CSMD3: variants seen among roughly 807,000 people sequenced by gnomAD.
CSMD3 encodes CUB and Sushi multiple domains 3, also known as CUB and sushi domain-containing protein 3.
CSMD3 carries 177 observed loss-of-function variants against 435.2 expected under a neutral mutation model. The observed-to-expected ratio is 0.41, with a 90% CI of 0.36 to 0.46. The LOEUF is 0.46. Ranked by LOEUF, CSMD3 falls within the 20% of genes least tolerant of loss-of-function variation. CSMD3 has a pLI of 0.34. For missense variants in CSMD3, 4,265 were observed against 4,504.6 expected (o/e 0.95, Z 1.52); for synonymous variants, 1,656 against 1,520.5 (o/e 1.09, Z -2.07).
At chr8:112,774,405 G>A (rs1398927135) in intron 13 of CSMD3, among the ~76,000 whole-genome samples, 3 of 151,818 alleles carry the variant, frequency 2.0e-5, no homozygotes, top group African/African-American at 7.3e-5. Context: ...AGAATTTTCC[G>A]TACTTTATTC....
chr8:112,740,942 G>C (rs1162620565), intron 13 of CSMD3, among the ~76,000 whole-genome samples: 1 of 151,946 alleles, frequency 6.6e-6, no homozygotes, highest in Non-Finnish European at 1.5e-5. Context: ...AGTAGATTTA[G>C]AATAGTCAAA....
Position 113,250,710 on chromosome 8 carries a change from C to A in CSMD3, c.514+27882G>T, listed in dbSNP as rs185811130. Among the ~76,000 whole-genome samples the A allele has an allele frequency of 5.8e-3, 887 of 152,058 alleles. 1 individual carries two copies. Among genetic ancestry groups the A allele is most frequent in the Non-Finnish European group, 8.7e-3 (593 of 67,960 alleles). On this transcript the variant is annotated intron_variant, in intron 3 of 70. Coordinates refer to ENST00000297405, the MANE Select transcript of CSMD3 (RefSeq NM_198123.2). Reference sequence around the variant, plus strand: ...ATTCAAAAGCTTGTTAGTAGGTAGACATAATTGATTGGATTCAGTAGATGA... The same window carrying A: ...ATTCAAAAGCTTGTTAGTAGGTAGAAATAATTGATTGGATTCAGTAGATGA...
intron 9 of CSMD3, among the ~76,000 whole-genome samples, chr8:112,946,201 C>A (rs2083605809): frequency 6.6e-6 from 1 of 151,668 alleles, no homozygotes; most frequent in Non-Finnish European, 1.5e-5. Context: ...TTTGTAATAG[C>A]AGTTTGTATT....
At chr8:112,275,861 T>A in intron 59 of CSMD3, among the ~76,000 whole-genome samples, 1 of 152,134 alleles carries the variant, frequency 6.6e-6, no homozygotes, top group East Asian at 1.9e-4. Flanking sequence ...AGCCAAACCA[T>A]ATTATTCCAA....
chr8:112,505,680 G>C (rs1054512775), intron 29 of CSMD3, among the ~76,000 whole-genome samples: 1 of 151,280 alleles, frequency 6.6e-6, no homozygotes, highest in Admixed American at 6.6e-5. Flanking sequence ...TAGTTATTAC[G>C]TTTTTTTTCT....
intron 7 of CSMD3, among the ~76,000 whole-genome samples, chr8:112,972,397 A>G (rs2084690801): frequency 6.6e-6 from 1 of 151,786 alleles, no homozygotes; most frequent in African/African-American, 2.4e-5. Flanking sequence ...TTTTCATAGG[A>G]TATTTTTGAC....
At chr8:113,376,569 C>A in intron 1 of CSMD3, 1 of 675,140 alleles carries the variant, frequency 1.5e-6, no homozygotes. Context: ...CCAAAATAAA[C>A]TAATATATAA....
chr8:113,018,368 CAAAA>C (rs971575519), intron 6 of CSMD3, among the ~76,000 whole-genome samples: 1 of 151,230 alleles, frequency 6.6e-6, no homozygotes, highest in African/African-American at 2.4e-5. Flanking sequence ...TTAAAAAAAA[CAAAA>C]AACACAGATA....
chr8:113,397,937 C>T (rs1249378981), intron 1 of CSMD3, among the ~76,000 whole-genome samples: 1 of 151,948 alleles, frequency 6.6e-6, no homozygotes, highest in Non-Finnish European at 1.5e-5. Flanking sequence ...TATTATGTGG[C>T]CCTAAGCAAG....
intron 3 of CSMD3, among the ~76,000 whole-genome samples, chr8:113,274,855 GA>G (rs2093557249): frequency 1.3e-5 from 1 of 76,806 alleles, no homozygotes; most frequent in Non-Finnish European, 2.6e-5. Context: ...GAGAGAGAAA[GA>G]AAAAAAGGAA....
intron 16 of CSMD3, among the ~76,000 whole-genome samples, chr8:112,671,839 C>T (rs2075663493): frequency 6.6e-6 from 1 of 152,018 alleles, no homozygotes; most frequent in African/African-American, 2.4e-5. Flanking sequence ...GATGAAAAGT[C>T]AGGGGGTAGA....
At chr8:113,053,154 A>T (rs2088171242) in intron 5 of CSMD3, among the ~76,000 whole-genome samples, 1 of 152,148 alleles carries the variant, frequency 6.6e-6, no homozygotes, top group South Asian at 2.1e-4. Context: ...AGTCCTTCTC[A>T]GGAAAAAAGA....
chr8:112,794,768 A>G (rs892185229), intron 13 of CSMD3, among the ~76,000 whole-genome samples: 3 of 152,136 alleles, frequency 2.0e-5, no homozygotes, highest in Non-Finnish European at 2.9e-5. Flanking sequence ...GAGAAAGAGA[A>G]AAAAATTACC....
chr8:113,232,255 A>G (rs1022371477), intron 3 of CSMD3, among the ~76,000 whole-genome samples: 54 of 151,644 alleles, frequency 3.6e-4, no homozygotes, highest in Non-Finnish European at 4.0e-4. Context: ...CAAAATAATA[A>G]TCACCACATT....
chr8:112,537,811 C>T (rs905173968), intron 27 of CSMD3, among the ~76,000 whole-genome samples: 2 of 151,674 alleles, frequency 1.3e-5, no homozygotes, highest in Non-Finnish European at 2.9e-5. Flanking sequence ...TAGAGAAGAC[C>T]TAATACCAAT....
chr8:112,225,818 G>T (rs1350608170), intron 70 of CSMD3, among the ~76,000 whole-genome samples: 1 of 152,118 alleles, frequency 6.6e-6, no homozygotes, highest in Non-Finnish European at 1.5e-5. Flanking sequence ...CATGAATTCT[G>T]GGTTGGCTGG....
At chr8:113,023,624 G>A (rs957974363) in intron 5 of CSMD3, among the ~76,000 whole-genome samples, 5 of 151,726 alleles carry the variant, frequency 3.3e-5, no homozygotes, top group South Asian at 2.1e-4. Flanking sequence ...CATATACTTC[G>A]CTTTGAGGCT....
intron 3 of CSMD3, among the ~76,000 whole-genome samples, chr8:113,206,488 T>C (rs2092772453): frequency 1.3e-5 from 2 of 152,192 alleles, no homozygotes; most frequent in African/African-American, 4.8e-5. Flanking sequence ...ATTTATATTC[T>C]TCATTTTTCT....
intron 12 of CSMD3, among the ~76,000 whole-genome samples, chr8:112,815,012 T>C (rs1438939041): frequency 6.6e-6 from 1 of 151,900 alleles, no homozygotes; most frequent in East Asian, 1.9e-4. Flanking sequence ...TTCCTTCTAG[T>C]ACAATGTTAT....
Sources: allele counts gnomAD v4.1 joint callset (sites outside exome capture counted in the v4.1 genomes callset), GRCh38; gene constraint gnomAD v4.1.1; transcripts MANE v1.5; gene names NCBI Gene and HGNC (gene_info 2026-07-23, HGNC 2026-07-21).